DACH2: variants seen among roughly 807,000 people sequenced by gnomAD.
The protein encoded by DACH2 is dachshund homolog 2.
In DACH2, 17 loss-of-function variants were observed where a neutral mutation model predicts 35.8. The observed-to-expected ratio is 0.48, with a 90% CI of 0.33 to 0.71. The LOEUF is 0.71. DACH2 is among the 30% of genes least tolerant of loss of function. The probability of loss-of-function intolerance (pLI) is 0.02; values close to 1 mark genes in which losing one functional copy is unlikely to be tolerated. For missense variants in DACH2, 469 were observed against 472.7 expected (o/e 0.99, Z 0.07); for synonymous variants, 195 against 177.3 (o/e 1.10, Z -0.79).
intron 6 of DACH2, among the ~76,000 whole-genome samples, chrX:86,720,568 G>T (rs998883999): frequency 2.7e-5 from 3 of 112,161 alleles, no homozygotes; most frequent in Non-Finnish European, 3.8e-5. Flanking sequence ...GCCTCCCATG[G>T]CCTTGGGAAG....
chrX:86,707,733 G>A (rs903047241), intron 5 of DACH2, among the ~76,000 whole-genome samples: 3 of 108,377 alleles, frequency 2.8e-5, no homozygotes, highest in African/African-American at 1.0e-4. Context: ...TGGCCAACAT[G>A]CTGAAACCCC....
chrX:86,394,029 G>A (rs929610962), intron 2 of DACH2, among the ~76,000 whole-genome samples: 1 of 107,122 alleles, frequency 9.3e-6, no homozygotes, highest in African/African-American at 3.4e-5. Flanking sequence ...ATACCTTTCA[G>A]TACAGCTACC....
At chrX:86,523,066 G>T (rs1432717379) in intron 3 of DACH2, among the ~76,000 whole-genome samples, 1 of 111,709 alleles carries the variant, frequency 9.0e-6, no homozygotes, top group African/African-American at 3.2e-5. Flanking sequence ...ATTCTGTGGT[G>T]TTCATTCCTT....
At chrX:86,555,753 A>C (rs2039109364) in intron 3 of DACH2, among the ~76,000 whole-genome samples, 3 of 111,586 alleles carry the variant, frequency 2.7e-5, no homozygotes. Flanking sequence ...CTCCAATAGG[A>C]CATTTTTGTA....
chrX:86,187,183 A>G (rs764793596), intron 1 of DACH2, among the ~76,000 whole-genome samples: 2 of 111,453 alleles, frequency 1.8e-5, no homozygotes, highest in Admixed American at 1.9e-4. Flanking sequence ...TAGATATTTA[A>G]CTGGATATTG....
chrX:86,626,554 C>T (rs2040140331), intron 3 of DACH2, among the ~76,000 whole-genome samples: 2 of 112,910 alleles, frequency 1.8e-5, no homozygotes, highest in Admixed American at 1.9e-4. Context: ...CTGCACTGCC[C>T]TAGTAGTACA....
intron 3 of DACH2, among the ~76,000 whole-genome samples, chrX:86,557,159 G>C (rs913870859): frequency 4.5e-5 from 5 of 110,783 alleles, no homozygotes; most frequent in Non-Finnish European, 9.5e-5. Flanking sequence ...GGCCCTCAGA[G>C]GATGGGATAT....
chrX:86,548,416 T>C (rs1349964807), intron 3 of DACH2, among the ~76,000 whole-genome samples: 1 of 112,193 alleles, frequency 8.9e-6, no homozygotes, highest in African/African-American at 3.2e-5. Flanking sequence ...ACATTTAAAC[T>C]TCAGAAAACG....
chrX:86,254,340 A>C (rs1204530363), intron 1 of DACH2, among the ~76,000 whole-genome samples: 1 of 111,158 alleles, frequency 9.0e-6, no homozygotes, highest in African/African-American at 3.3e-5. Context: ...CTGCCTAAAC[A>C]TGGGTTACTG....
chrX:86,204,490 C>T (rs944732928), intron 1 of DACH2, among the ~76,000 whole-genome samples: 1 of 111,648 alleles, frequency 9.0e-6, no homozygotes, highest in Non-Finnish European at 1.9e-5. Context: ...GGCATGATCG[C>T]AGTGGCTGTT....
At chrX:86,371,562 T>A (rs1395529325) in intron 1 of DACH2, among the ~76,000 whole-genome samples, 3 of 111,057 alleles carry the variant, frequency 2.7e-5, no homozygotes, top group Non-Finnish European at 3.8e-5. Flanking sequence ...ATATACAGGC[T>A]ATTAAATTTA....
chrX:86,787,426 C>G (rs896209721), intron 7 of DACH2, among the ~76,000 whole-genome samples: 1 of 110,513 alleles, frequency 9.0e-6, no homozygotes, highest in African/African-American at 3.3e-5. Context: ...ACCAGCCTGG[C>G]TAACATGGCA....
intron 1 of DACH2, among the ~76,000 whole-genome samples, chrX:86,244,144 T>C (rs2033228356): frequency 8.9e-6 from 1 of 111,815 alleles, no homozygotes; most frequent in Non-Finnish European, 1.9e-5. Context: ...AAAGGGGTTT[T>C]ATTTGTTAAT....
At chrX:86,748,732 C>T (rs1181110110) in intron 7 of DACH2, among the ~76,000 whole-genome samples, 1 of 111,638 alleles carries the variant, frequency 9.0e-6, no homozygotes, top group African/African-American at 3.2e-5. Context: ...TCACCAACTG[C>T]ATTATCCCCT....
At chrX:86,214,377 TAATTTGC>T (rs2032520406) in intron 1 of DACH2, among the ~76,000 whole-genome samples, 1 of 112,238 alleles carries the variant, frequency 8.9e-6, no homozygotes, top group Non-Finnish European at 1.9e-5. Flanking sequence ...TTCAGAGTTT[TAATTTGC>T]ACATCTTCAG....
Position 86,469,001 on chromosome X carries a change from CA to C in DACH2, c.528-45276del, listed in dbSNP as rs771572112. Among the ~76,000 whole-genome samples the C allele has an allele frequency of 4.2e-3, 470 of 111,397 alleles. 2 individuals carry two copies. Among genetic ancestry groups the C allele is most frequent in the African/African-American group, 0.015 (459 of 30,772 alleles). ...ATAAAGAAAATGTTGTATATATACA[CA>C]ATGTAATACTCTTTGACCATAAAAG... On this transcript the variant is annotated intron_variant, in intron 2 of 11. Transcript: ENST00000373125.
chrX:86,554,621 C>T (rs1265414760), intron 3 of DACH2, among the ~76,000 whole-genome samples: 2 of 111,610 alleles, frequency 1.8e-5, no homozygotes, highest in Non-Finnish European at 1.9e-5. Flanking sequence ...TGTTTCTTAT[C>T]TTCTGACTCT....
intron 3 of DACH2, among the ~76,000 whole-genome samples, chrX:86,642,985 A>G (rs1022338764): frequency 2.7e-5 from 3 of 110,767 alleles, no homozygotes; most frequent in Admixed American, 1.9e-4. Flanking sequence ...ATAGCACTAA[A>G]TGCCCACATA....
chrX:86,766,465 G>C (rs2041936453), intron 7 of DACH2, among the ~76,000 whole-genome samples: 1 of 111,646 alleles, frequency 9.0e-6, no homozygotes, highest in Non-Finnish European at 1.9e-5. Context: ...CATGGGAAGA[G>C]ATGCTAATAG....
Sources: gnomAD v4.1 joint callset for allele counts (sites outside exome capture counted in the v4.1 genomes callset) on GRCh38, gnomAD v4.1.1 for gene constraint, MANE v1.5 for transcripts, NCBI Gene and HGNC (gene_info 2026-07-23, HGNC 2026-07-21) for gene names.